The following H2BN1 variants were observed in gnomAD, a reference collection of about 807,000 sequenced individuals.
The protein encoded by H2BN1 is histone H2B.N.
At chr17:32,899,724 G>T in the H2BN1 span, among the ~76,000 whole-genome samples, 1 of 152,076 alleles carries the variant, frequency 6.6e-6, no homozygotes. Flanking sequence ...TTTAAAGTTT[G>T]TTCATAGGCA....
the H2BN1 span, among the ~76,000 whole-genome samples, chr17:32,897,029 T>G: frequency 1.3e-5 from 2 of 152,190 alleles, no homozygotes; most frequent in Non-Finnish European, 2.9e-5. Context: ...CAGGCCACCT[T>G]GTACCTCCCA....
chr17:32,904,760 CT>C, the H2BN1 span, among the ~76,000 whole-genome samples: 570 of 143,278 alleles, frequency 4.0e-3, no homozygotes, highest in Middle Eastern at 7.3e-3. Context: ...AATGAAAGAA[CT>C]TTTTTTTTTT....
chr17:32,903,947 T>A, the H2BN1 span, among the ~76,000 whole-genome samples: 1 of 152,230 alleles, frequency 6.6e-6, no homozygotes, highest in South Asian at 2.1e-4. Flanking sequence ...CCACAATGTG[T>A]CACCACTAAG....
At chr17:32,900,599 T>G in the H2BN1 span, among the ~76,000 whole-genome samples, 2 of 152,022 alleles carry the variant, frequency 1.3e-5, no homozygotes, top group African/African-American at 4.8e-5. Context: ...TTTTTTTTTT[T>G]GAAACGGAGT....
the H2BN1 span, among the ~76,000 whole-genome samples, chr17:32,899,799 A>G: frequency 6.6e-6 from 1 of 151,802 alleles, no homozygotes; most frequent in Non-Finnish European, 1.5e-5. Flanking sequence ...TGAAAAAAAC[A>G]AAACAAAGGA....
chr17:32,904,666 G>A, the H2BN1 span, among the ~76,000 whole-genome samples: 1 of 152,146 alleles, frequency 6.6e-6, no homozygotes, highest in Non-Finnish European at 1.5e-5. Flanking sequence ...CTTTTAAAGG[G>A]TTCAAGTCAT....
At chr17:32,895,595 A>G in the H2BN1 span, among the ~76,000 whole-genome samples, 26 of 152,308 alleles carry the variant, frequency 1.7e-4, no homozygotes, top group South Asian at 5.0e-3. Flanking sequence ...CATGGGGAAA[A>G]TCCTAAAGCA....
the H2BN1 span, among the ~76,000 whole-genome samples, chr17:32,897,279 C>T: frequency 6.6e-6 from 1 of 151,282 alleles, no homozygotes; most frequent in Admixed American, 6.6e-5. Flanking sequence ...TGAATCTCAC[C>T]TCAAGCCTCC....
the H2BN1 span, among the ~76,000 whole-genome samples, chr17:32,897,343 CCTCT>C: frequency 8.0e-6 from 1 of 125,584 alleles, no homozygotes; most frequent in African/African-American, 3.3e-5. Flanking sequence ...CCCTCCCTCC[CCTCT>C]CTCTCTGTCT....
the H2BN1 span, among the ~76,000 whole-genome samples, chr17:32,898,530 G>A: frequency 6.6e-6 from 1 of 152,004 alleles, no homozygotes; most frequent in Non-Finnish European, 1.5e-5. Flanking sequence ...TGATTTTGGG[G>A]GTCCCAAGGT....
At chr17:32,898,835 T>C in the H2BN1 span, among the ~76,000 whole-genome samples, 19 of 152,216 alleles carry the variant, frequency 1.2e-4, no homozygotes, top group Non-Finnish European at 1.9e-4. Flanking sequence ...TAGGCAGGTA[T>C]GAAAGTGGCT....
the H2BN1 span, among the ~76,000 whole-genome samples, chr17:32,895,571 G>T: frequency 6.6e-6 from 1 of 152,122 alleles, no homozygotes; most frequent in East Asian, 1.9e-4. Context: ...GAGGAAGGAA[G>T]CCTATTTTAG....
the H2BN1 span, among the ~76,000 whole-genome samples, chr17:32,904,734 G>A: frequency 1.3e-5 from 2 of 152,050 alleles, no homozygotes; most frequent in Non-Finnish European, 2.9e-5. Flanking sequence ...AGGAGGTATG[G>A]GGTGGAAGAA....
the H2BN1 span, among the ~76,000 whole-genome samples, chr17:32,899,135 AT>A: frequency 3.3e-5 from 5 of 152,192 alleles, no homozygotes; most frequent in African/African-American, 1.2e-4. Context: ...CTAGTTTACC[AT>A]TTTTATTAAA....
the H2BN1 span, among the ~76,000 whole-genome samples, chr17:32,901,513 T>TCTGGCCCTGTG: frequency 6.6e-6 from 1 of 152,190 alleles, no homozygotes; most frequent in Non-Finnish European, 1.5e-5. Flanking sequence ...GAATGTAGTT[T>TCTGGCCCTGTG]ATTTTAATTG....
the H2BN1 span, among the ~76,000 whole-genome samples, chr17:32,902,112 G>GAA: frequency 9.5e-3 from 1,348 of 141,758 alleles, 4 homozygotes; most frequent in Non-Finnish European, 0.015. Flanking sequence ...CTTTCTTACC[G>GAA]AAAAAAAAAA....
the H2BN1 span, chr17:32,906,232 A>C: frequency 6.6e-6 from 1 of 152,134 alleles, no homozygotes; most frequent in Non-Finnish European, 1.5e-5. Flanking sequence ...TCTTGTATGC[A>C]CTAGGTGCCC....
At chr17:32,903,728 T>C in the H2BN1 span, among the ~76,000 whole-genome samples, 2 of 152,218 alleles carry the variant, frequency 1.3e-5, no homozygotes, top group Non-Finnish European at 2.9e-5. Context: ...TTTTCTCTAA[T>C]GTAAGTGTGT....
At chr17:32,899,063 T>C in the H2BN1 span, among the ~76,000 whole-genome samples, 6 of 152,212 alleles carry the variant, frequency 3.9e-5, no homozygotes, top group Non-Finnish European at 8.8e-5. Context: ...CGAACAACAT[T>C]AGGCAAGACT....
Sources: allele counts gnomAD v4.1 joint callset (sites outside exome capture counted in the v4.1 genomes callset), GRCh38; gene constraint gnomAD v4.1.1; transcripts MANE v1.5; gene names NCBI Gene and HGNC (gene_info 2026-07-23, HGNC 2026-07-21).